TTC3: variants seen among roughly 807,000 people sequenced by gnomAD.
The protein encoded by TTC3 is E3 ubiquitin-protein ligase TTC3.
In TTC3, 180 loss-of-function variants were observed where a neutral mutation model predicts 249.6. That is an observed-to-expected ratio of 0.72 (90% CI 0.64 to 0.82). TTC3 has a LOEUF of 0.82. TTC3 is among the 40% of genes least tolerant of loss of function. The pLI is 0.00. For missense variants in TTC3, 2,061 were observed against 2,398.4 expected (o/e 0.86, Z 2.94); for synonymous variants, 717 against 805.0 (o/e 0.89, Z 1.85).
chr21:37,103,735 A>G (rs1280188745), intron 10 of TTC3, among the ~76,000 whole-genome samples: 1 of 152,180 alleles, frequency 6.6e-6, no homozygotes, highest in Non-Finnish European at 1.5e-5. Flanking sequence ...TGTGTTTCAG[A>G]CAGTGGGCTG....
intron 35 of TTC3, among the ~76,000 whole-genome samples, chr21:37,179,221 A>G (rs539074484): frequency 6.6e-6 from 1 of 152,300 alleles, no homozygotes; most frequent in East Asian, 1.9e-4. Context: ...CAGGAAGTTG[A>G]GGCTGCAATG....
At chr21:37,201,681 G>C in exon 46 of TTC3, 1 of 1,383,192 alleles carries the variant, frequency 7.2e-7, no homozygotes, top group Non-Finnish European at 9.8e-7. Context: ...TGCATTGTGT[G>C]TCACAAAGCT....
At position 37,087,726 on chromosome 21, in the gene TTC3, A is replaced by G. The variant is rs554375712; in HGVS notation, c.145-107A>G. 16 of 890,562 alleles carry G rather than the reference A, an allele frequency of 1.8e-5. No homozygotes were observed. In the African/African-American group the frequency reaches 2.1e-4, roughly 11 times the overall value. 55.2% of individuals were successfully genotyped at this position (890,562 alleles called of 1,614,324 possible). The stretch of plus-strand genomic sequence containing the variant: ...TTGGCTGAAGATGTGTTTGAAGCAT[A>G]TAAATAAATGCCCACTGAAAGTTCT... On this transcript the variant is annotated intron_variant, in intron 2 of 45. Transcript: ENST00000355666.
At chr21:37,195,633 G>A in intron 41 of TTC3, 42 bp from the exon 42 acceptor site, 3 of 1,540,720 alleles carry the variant, frequency 1.9e-6, no homozygotes, top group Non-Finnish European at 2.6e-6. Flanking sequence ...CATCCTTCAA[G>A]GGAAGCCCTA....
At chr21:37,199,943 A>G (rs1199168526) in intron 44 of TTC3, among the ~76,000 whole-genome samples, 1 of 152,240 alleles carries the variant, frequency 6.6e-6, no homozygotes, top group Non-Finnish European at 1.5e-5. Flanking sequence ...TGATTATCCC[A>G]TACTGTACTT....
intron 35 of TTC3, among the ~76,000 whole-genome samples, chr21:37,181,094 G>T (rs759894867): frequency 1.3e-5 from 2 of 152,182 alleles, no homozygotes; most frequent in Non-Finnish European, 2.9e-5. Flanking sequence ...AAACAAGCTC[G>T]TGATAGCTGA....
In TTC3 at chr21:37,195,844, CT is replaced by C. The variant is rs2084842155; in HGVS notation, c.5388del (p.Gly1797ValfsTer8). The C allele has an allele frequency of 1.9e-6, 3 of 1,614,268 alleles. No homozygotes were observed. Among genetic ancestry groups the C allele is most frequent in the East Asian group, 2.2e-5 (1 of 44,884 alleles). On this transcript the variant is annotated frameshift_variant, in exon 42 of 46. Transcript: ENST00000355666. LOFTEE classifies it high-confidence loss of function. ...TCTGCGCTGTTGCCAGGGCCACCCC[CT>C]GGTCAGCCTGAAGCCACTCAGCTGA...
chr21:37,120,043 A>G (rs1256846084), intron 11 of TTC3, among the ~76,000 whole-genome samples: 1 of 152,118 alleles, frequency 6.6e-6, no homozygotes, highest in African/African-American at 2.4e-5. Flanking sequence ...GTGCATTTCA[A>G]TTGGCCAGTC....
At chr21:37,150,245 G>A in intron 24 of TTC3, 75 bp downstream of exon 24, 1 of 1,036,814 alleles carries the variant, frequency 9.6e-7, no homozygotes, top group South Asian at 1.4e-5. Context: ...ATTTGAATTT[G>A]TAGATATCAT....
chr21:37,073,356 C>T (rs942729108), exon 1 of TTC3: 2 of 932,068 alleles, frequency 2.1e-6, no homozygotes, highest in African/African-American at 1.8e-5. Context: ...TCGCGGGCGG[C>T]GGGCCCGGGT....
chr21:37,189,772 T>C (rs952405085), intron 39 of TTC3, among the ~76,000 whole-genome samples: 43 of 152,056 alleles, frequency 2.8e-4, no homozygotes, highest in African/African-American at 1.0e-3. Flanking sequence ...GGTCTCAATC[T>C]CCTCATCTTG....
At chr21:37,134,476 T>C (rs2077750904) in intron 17 of TTC3, among the ~76,000 whole-genome samples, 1 of 152,104 alleles carries the variant, frequency 6.6e-6, no homozygotes, top group Non-Finnish European at 1.5e-5. Flanking sequence ...AGAAGGCTTT[T>C]GTTAATGGGT....
At chr21:37,158,235 C>A (rs2080307638) in intron 28 of TTC3, 4 of 983,986 alleles carry the variant, frequency 4.1e-6, no homozygotes, top group African/African-American at 1.7e-5. Flanking sequence ...ACTGAGCTTA[C>A]AAAACCTGAT....
intron 18 of TTC3, among the ~76,000 whole-genome samples, chr21:37,136,556 G>A (rs571987378): frequency 1.3e-5 from 2 of 152,326 alleles, no homozygotes; most frequent in South Asian, 2.1e-4. Flanking sequence ...TTCTGTGAAG[G>A]CTGAGAGAGG....
intron 7 of TTC3, 23 bp from the exon 8 acceptor site, chr21:37,093,980 GCT>G (rs2073632680): frequency 6.9e-7 from 1 of 1,439,786 alleles, no homozygotes; most frequent in Non-Finnish European, 9.7e-7. Context: ...GTTCTCTCTT[GCT>G]CTCTCCTAAA....
At chr21:37,074,148 C>T (rs1156837332) in intron 1 of TTC3, among the ~76,000 whole-genome samples, 1 of 151,256 alleles carries the variant, frequency 6.6e-6, no homozygotes, top group Admixed American at 6.7e-5. Context: ...CCTGTCCCCA[C>T]GGAACGGACC....
At chr21:37,152,381 T>G (rs1405070759) in intron 26 of TTC3, among the ~76,000 whole-genome samples, 2 of 34,500 alleles carry the variant, frequency 5.8e-5, no homozygotes, top group East Asian at 1.9e-3. Flanking sequence ...ACTAAGTTGT[T>G]TTTTTTTTTT....
chr21:37,083,359 G>T (rs560451181), intron 1 of TTC3: 1 of 985,458 alleles, frequency 1.0e-6, no homozygotes, highest in East Asian at 1.1e-4. Context: ...AAGGGAAGCT[G>T]TTGCATGGTT....
chr21:37,100,622 C>T (rs932830563), intron 10 of TTC3, among the ~76,000 whole-genome samples: 2 of 152,168 alleles, frequency 1.3e-5, no homozygotes, highest in Middle Eastern at 3.2e-3. Context: ...TTCAAAACCC[C>T]CCTGGGCCTG....
Sources: gnomAD v4.1 joint callset for allele counts (sites outside exome capture counted in the v4.1 genomes callset) on GRCh38, gnomAD v4.1.1 for gene constraint, MANE v1.5 for transcripts, NCBI Gene and HGNC (gene_info 2026-07-23, HGNC 2026-07-21) for gene names.